MFHAS1: variants seen among roughly 807,000 people sequenced by gnomAD.
The protein encoded by MFHAS1 is multifunctional ROCO family signaling regulator 1, also known as malignant fibrous histiocytoma-amplified sequence 1.
Under a neutral mutation model 70.4 loss-of-function variants are expected in MFHAS1, and 50 were observed. That is an observed-to-expected ratio of 0.71 (90% CI 0.57 to 0.90). The LOEUF (loss-of-function observed/expected upper bound fraction) is 0.90, where lower values mean the gene tolerates loss of function less well. Ranked by LOEUF, MFHAS1 falls within the 40% of genes least tolerant of loss-of-function variation. The pLI, the probability that MFHAS1 is intolerant of heterozygous loss-of-function variation, is 0.00. For synonymous variants in MFHAS1, 952 were observed against 620.0 expected, an observed-to-expected ratio of 1.54 and a Z score of -7.96; for missense variants, 1,795 against 1,347.6, an observed-to-expected ratio of 1.33 and a Z score of -5.20.
chr8:8,848,720 G>C (rs571213338), intron 1 of MFHAS1, among the ~76,000 whole-genome samples: 1 of 152,168 alleles, frequency 6.6e-6, no homozygotes, highest in African/African-American at 2.4e-5. Flanking sequence ...CTTACATTAG[G>C]ACGTGTTTTT....
At chr8:8,794,910 T>C (rs564247851) in intron 2 of MFHAS1, among the ~76,000 whole-genome samples, 1 of 152,136 alleles carries the variant, frequency 6.6e-6, no homozygotes, top group Admixed American at 6.5e-5. Flanking sequence ...GCTGATAACA[T>C]TTTTTTCAGG....
chr8:8,803,288 G>T (rs1307971081), intron 1 of MFHAS1, among the ~76,000 whole-genome samples: 1 of 151,434 alleles, frequency 6.6e-6, no homozygotes, highest in African/African-American at 2.4e-5. Flanking sequence ...AGGGGTGGGG[G>T]CAGATCATTT....
intron 1 of MFHAS1, among the ~76,000 whole-genome samples, chr8:8,821,077 C>T (rs1044050678): frequency 6.6e-6 from 1 of 152,204 alleles, no homozygotes; most frequent in Non-Finnish European, 1.5e-5. Flanking sequence ...GTCTCAGTTC[C>T]ACATATCTTC....
At chr8:8,853,531 G>A (rs1209770153) in intron 1 of MFHAS1, among the ~76,000 whole-genome samples, 7 of 150,532 alleles carry the variant, frequency 4.7e-5, no homozygotes, top group Admixed American at 4.6e-4. Flanking sequence ...CACGTACAAG[G>A]CAAACAGTGT....
intron 1 of MFHAS1, among the ~76,000 whole-genome samples, chr8:8,879,188 A>G (rs1400750609): frequency 2.0e-5 from 3 of 152,160 alleles, no homozygotes; most frequent in Non-Finnish European, 4.4e-5. Context: ...GTCTCTACTA[A>G]AAATACAAAA....
chr8:8,792,105 G>A (rs1805737485), intron 2 of MFHAS1, among the ~76,000 whole-genome samples: 1 of 152,158 alleles, frequency 6.6e-6, no homozygotes, highest in Non-Finnish European at 1.5e-5. Context: ...AGGCATGGTG[G>A]CATGTACCTG....
chr8:8,889,319 G>A (rs1054576030), intron 1 of MFHAS1, among the ~76,000 whole-genome samples: 2 of 152,198 alleles, frequency 1.3e-5, no homozygotes, highest in Non-Finnish European at 2.9e-5. Context: ...CCATGTCCCT[G>A]AGTGGGCGGA....
At position 8,783,559 on chromosome 8, in the gene MFHAS1, A is replaced by T. The variant is rs1805432622; in HGVS notation, c.*2463T>A. On this transcript the variant is annotated 3_prime_UTR_variant, in exon 3 of 3. Coordinates refer to ENST00000276282, the MANE Select transcript of MFHAS1 (RefSeq NM_004225.3). ...ACAAGTGTCAAATATGAGCACTGTC[A>T]TTTTTTTTTTCTTAGAAGGGGGAAA... is the stretch of plus-strand genomic sequence containing the variant. The T allele has an allele frequency of 6.7e-6, 1 of 149,726 alleles. No individual in the cohort carries two copies. 9.3% of individuals were successfully genotyped at this position (149,726 alleles called of 1,614,324 possible).
In MFHAS1 at chr8:8,891,089, C is replaced by G; in HGVS notation, c.1970G>C (p.Arg657Thr). 6.2e-7 allele frequency: 1 copy of G among 1,613,900 alleles called. No homozygotes were observed. Among genetic ancestry groups the G allele is most frequent in the East Asian group, 2.2e-5 (1 of 44,872 alleles). ...CACCTGCCAGGATCGAGGCAGTACT[C>G]TGTGTAAGTTGGGGAAGATCTCTCG... ...EHREIFPNLH[R>T]VLPRSWQVLE... The change falls in exon 1 of 3, where the codon AGA becomes ACA. Residue 657 changes from arginine (R) to threonine (T), a missense_variant. Transcript: ENST00000276282. The surrounding 1 kb of genome is among the most constrained non-coding windows in gnomAD (Gnocchi z 5.4).
At chr8:8,809,855 A>C (rs1806482645) in intron 1 of MFHAS1, among the ~76,000 whole-genome samples, 1 of 152,206 alleles carries the variant, frequency 6.6e-6, no homozygotes, top group Non-Finnish European at 1.5e-5. Flanking sequence ...CCTGTCACCT[A>C]CTTCTTACTG....
chr8:8,784,203 T>A lies in MFHAS1; in HGVS notation c.*1819A>T, dbSNP rs1217987398. The A allele has an allele frequency of 6.6e-6, 1 of 152,088 alleles. No individual in the cohort carries two copies. Among genetic ancestry groups the A allele is most frequent in the African/African-American group, 2.4e-5 (1 of 41,398 alleles). The allele number at this position is 152,088 out of a possible 1,614,324, so 9.4% of individuals were successfully genotyped here. A position where few individuals can be genotyped will look rare whatever the true frequency, so the allele number is the denominator to read the frequency against. On this transcript the variant is annotated 3_prime_UTR_variant, in exon 3 of 3. Transcript: ENST00000276282. ...ATTTAACAGTTGAGGAACCGTCTCA[T>A]GCCAATTAAAAAATTCTTACTTCCC...
chr8:8,853,876 A>C (rs1200221757), intron 1 of MFHAS1, among the ~76,000 whole-genome samples: 1 of 152,172 alleles, frequency 6.6e-6, no homozygotes, highest in African/African-American at 2.4e-5. Flanking sequence ...TCTATTGTCA[A>C]GGTTATCCAA....
chr8:8,854,098 T>G (rs1483225997), intron 1 of MFHAS1, among the ~76,000 whole-genome samples: 1 of 152,130 alleles, frequency 6.6e-6, no homozygotes, highest in East Asian at 1.9e-4. Context: ...TTGCCCAATT[T>G]ACAAAACAAA....
intron 1 of MFHAS1, among the ~76,000 whole-genome samples, chr8:8,854,506 G>C (rs1808359159): frequency 7.2e-6 from 1 of 139,278 alleles, no homozygotes; most frequent in Non-Finnish European, 1.5e-5. Flanking sequence ...GGGCAACAGA[G>C]CGAGACTCTG....
At chr8:8,883,412 A>G (rs1228677569) in intron 1 of MFHAS1, among the ~76,000 whole-genome samples, 2 of 151,706 alleles carry the variant, frequency 1.3e-5, no homozygotes, top group Non-Finnish European at 2.9e-5. Flanking sequence ...CCTTAATCAA[A>G]AAGGGCTCCC....
At chr8:8,851,092 G>A (rs992877417) in intron 1 of MFHAS1, among the ~76,000 whole-genome samples, 2 of 152,152 alleles carry the variant, frequency 1.3e-5, no homozygotes, top group African/African-American at 4.8e-5. Context: ...CAAGAGGTTA[G>A]GAGAAAATCC....
chr8:8,846,272 G>GGGGGGGGGGGGGGGGGGGGGT (rs1808030705), intron 1 of MFHAS1, among the ~76,000 whole-genome samples: 1 of 41,568 alleles, frequency 2.4e-5, no homozygotes, highest in Non-Finnish European at 5.4e-5. Flanking sequence ...GGGGGGGGGG[G>GGGGGGGGGGGGGGGGGGGGGT]AAGGAGGAGG....
At chr8:8,884,076 AC>A (rs1563220071) in intron 1 of MFHAS1, among the ~76,000 whole-genome samples, 3 of 148,434 alleles carry the variant, frequency 2.0e-5, no homozygotes, top group African/African-American at 7.7e-5. Context: ...ACACACACAC[AC>A]ACACAAAAAG....
At chr8:8,810,268 A>T (rs1806497764) in intron 1 of MFHAS1, among the ~76,000 whole-genome samples, 1 of 152,246 alleles carries the variant, frequency 6.6e-6, no homozygotes, top group African/African-American at 2.4e-5. Context: ...CAGGAGGCTG[A>T]GGCAGGAGAA....
Sources: allele counts gnomAD v4.1 joint callset (sites outside exome capture counted in the v4.1 genomes callset), GRCh38; gene constraint gnomAD v4.1.1; non-coding constraint Gnocchi (gnomAD v3.1); transcripts MANE v1.5; gene names NCBI Gene and HGNC (gene_info 2026-07-23, HGNC 2026-07-21).